The following INSL6 variants were observed in gnomAD, a reference collection of about 807,000 sequenced individuals.
INSL6 encodes insulin-like peptide INSL6.
In INSL6, 16 loss-of-function variants were observed where a neutral mutation model predicts 9.4. The ratio of observed to expected loss-of-function variants is 1.70; its 90% CI spans 1.15 to 2.59. The LOEUF (loss-of-function observed/expected upper bound fraction) is 2.59. Ranked by LOEUF, INSL6 falls within the 30% of genes most tolerant of loss-of-function variation. INSL6 has a pLI of 0.00. For synonymous variants in INSL6, 154 were observed against 96.9 expected (o/e 1.59, Z -3.46); for missense variants, 391 against 257.3 (o/e 1.52, Z -3.56).
At chr9:5,090,912 G>C in the INSL6 span, 2 of 1,586,256 alleles carry the variant, frequency 1.3e-6, no homozygotes, top group Non-Finnish European at 1.7e-6. Context: ...CCATATTCTG[G>C]TGAGTATATT....
At chr9:5,074,529 G>T in the INSL6 span, among the ~76,000 whole-genome samples, 1 of 152,004 alleles carries the variant, frequency 6.6e-6, no homozygotes, top group Non-Finnish European at 1.5e-5. Flanking sequence ...ATTATTCTGG[G>T]GTGTCCCAAA....
chr9:5,109,503 A>AT, the INSL6 span: 2 of 152,274 alleles, frequency 1.3e-5, no homozygotes, highest in African/African-American at 4.8e-5. Flanking sequence ...ACAAATATGT[A>AT]TTTTTCCACT....
chr9:5,022,525 T>C, the INSL6 span, among the ~76,000 whole-genome samples: 1 of 152,192 alleles, frequency 6.6e-6, no homozygotes, highest in Non-Finnish European at 1.5e-5. Flanking sequence ...TAAAGCTAGA[T>C]CCTGAGAGCA....
At chr9:5,023,196 A>G in the INSL6 span, among the ~76,000 whole-genome samples, 3 of 152,090 alleles carry the variant, frequency 2.0e-5, no homozygotes, top group South Asian at 2.1e-4. Context: ...TCTGCTACCA[A>G]TCCACTCTAC....
the INSL6 span, among the ~76,000 whole-genome samples, chr9:5,024,052 C>G: frequency 6.6e-6 from 1 of 151,912 alleles, no homozygotes; most frequent in South Asian, 2.1e-4. Flanking sequence ...ATCAGGAGAT[C>G]GAGATCATCC....
chr9:5,170,515 G>A (rs777466115), intron 1 of INSL6, among the ~76,000 whole-genome samples: 31 of 147,826 alleles, frequency 2.1e-4, no homozygotes, highest in Middle Eastern at 3.3e-3. Flanking sequence ...AAGGAGACCA[G>A]AGACACGAAA....
At chr9:5,107,264 C>T in the INSL6 span, among the ~76,000 whole-genome samples, 1 of 152,040 alleles carries the variant, frequency 6.6e-6, no homozygotes, top group African/African-American at 2.4e-5. Context: ...ACCTTACTGG[C>T]CCTACTACTA....
intron 1 of INSL6, among the ~76,000 whole-genome samples, chr9:5,172,518 C>A (rs189215062): frequency 9.9e-5 from 15 of 152,174 alleles, no homozygotes; most frequent in Non-Finnish European, 1.5e-4. Context: ...TCAGAGTGAA[C>A]AGACAACCTA....
chr9:5,155,768 TG>T, intron 2 of INSL6, among the ~76,000 whole-genome samples: 1 of 96,202 alleles, frequency 1.0e-5, no homozygotes, highest in Admixed American at 1.2e-4. Context: ...GGGGCCTGTT[TG>T]GGGGTGGGGG....
intron 1 of INSL6, among the ~76,000 whole-genome samples, chr9:5,174,319 TCTCA>T (rs1387705922): frequency 1.3e-5 from 2 of 152,322 alleles, no homozygotes; most frequent in South Asian, 2.1e-4. Flanking sequence ...GTTCCTCTTC[TCTCA>T]CTGTCTTAAA....
At chr9:5,177,099 G>A (rs892953134) in intron 1 of INSL6, among the ~76,000 whole-genome samples, 7 of 152,044 alleles carry the variant, frequency 4.6e-5, no homozygotes, top group Non-Finnish European at 1.0e-4. Flanking sequence ...TGCACAAGAT[G>A]GCCAATTAGA....
At chr9:5,035,287 T>C in the INSL6 span, among the ~76,000 whole-genome samples, 1 of 152,230 alleles carries the variant, frequency 6.6e-6, no homozygotes, top group Admixed American at 6.5e-5. Flanking sequence ...GATTCACAGC[T>C]GAATTCTACC....
intron 3 of INSL6, among the ~76,000 whole-genome samples, chr9:5,130,710 A>T (rs12349735): frequency 2.7e-5 from 4 of 147,656 alleles, no homozygotes; most frequent in East Asian, 1.9e-4. Flanking sequence ...TCTTTTTTTT[A>T]TTTTTTTTAT....
chr9:5,109,369 G>C, the INSL6 span: 1 of 152,148 alleles, frequency 6.6e-6, no homozygotes, highest in Non-Finnish European at 1.5e-5. Flanking sequence ...TACCAAGAAA[G>C]TATGCAAGAA....
chr9:5,037,865 A>C, the INSL6 span, among the ~76,000 whole-genome samples: 1 of 152,224 alleles, frequency 6.6e-6, no homozygotes, highest in African/African-American at 2.4e-5. Flanking sequence ...ATAGAAAAAA[A>C]TGAAAAGGCA....
exon 4 of INSL6, among the ~76,000 whole-genome samples, chr9:5,123,888 C>CTTTTT (rs543606211): frequency 7.0e-6 from 1 of 142,154 alleles, no homozygotes. Context: ...AATTTTTTCT[C>CTTTTT]TTTTTTTTTT....
At chr9:5,167,053 C>G (rs1406632344) in intron 1 of INSL6, among the ~76,000 whole-genome samples, 3 of 151,958 alleles carry the variant, frequency 2.0e-5, no homozygotes, top group Admixed American at 1.3e-4. Context: ...AATTGAGTTA[C>G]CAATGTTCTC....
the INSL6 span, chr9:5,090,795 T>C: frequency 1.9e-6 from 3 of 1,613,416 alleles, no homozygotes; most frequent in Non-Finnish European, 2.5e-6. Context: ...CAACGAGAAA[T>C]ATATTGGTGG....
At chr9:5,112,700 C>T in the INSL6 span, 1 of 878,322 alleles carries the variant, frequency 1.1e-6, no homozygotes, top group Admixed American at 3.1e-5. Flanking sequence ...TTTGGAGCAG[C>T]AAGTGCGAGA....
Sources: gnomAD v4.1 joint callset for allele counts (sites outside exome capture counted in the v4.1 genomes callset) on GRCh38, gnomAD v4.1.1 for gene constraint, MANE v1.5 for transcripts, NCBI Gene and HGNC (gene_info 2026-07-23, HGNC 2026-07-21) for gene names.